DYNC2I1: variants seen among roughly 807,000 people sequenced by gnomAD.
The protein encoded by DYNC2I1 is cytoplasmic dynein 2 intermediate chain 1.
Under a neutral mutation model 133.4 loss-of-function variants are expected in DYNC2I1, and 89 were observed. That is an observed-to-expected ratio of 0.67 (90% CI 0.56 to 0.80). The LOEUF (loss-of-function observed/expected upper bound fraction) is 0.80, where lower values mean the gene tolerates loss of function less well. Among genes scored for constraint, DYNC2I1 ranks in the 30% least tolerant of loss-of-function variants. The probability of loss-of-function intolerance (pLI) is 0.00; values close to 1 mark genes in which losing one functional copy is unlikely to be tolerated. For missense variants in DYNC2I1, 1,291 were observed against 1,314.5 expected, an observed-to-expected ratio of 0.98 and a Z score of 0.28; for synonymous variants, 504 against 484.3, an observed-to-expected ratio of 1.04 and a Z score of -0.54.
rs994430572 is a variant in DYNC2I1 at position 158,941,849 on chromosome 7, G to C, written c.2779-76G>C. 22 of 1,501,810 alleles carry C rather than the reference G, an allele frequency of 1.5e-5. No individual in the cohort carries two copies. The African/African-American group carries it at 2.6e-4, about 18-fold the overall frequency. The allele number at this position is 1,501,810 out of a possible 1,614,324, so 93.0% of individuals were successfully genotyped here. On this transcript the variant is annotated intron_variant, in intron 23 of 24. Transcript: ENST00000407559. Reference sequence around the variant, plus strand: ...CTGTGATTGCACCACTGCACTCCAGGCTGGGTGACAGAGTGAGACCCTGTC... The same window carrying C: ...CTGTGATTGCACCACTGCACTCCAGCCTGGGTGACAGAGTGAGACCCTGTC...
intron 5 of DYNC2I1, among the ~76,000 whole-genome samples, chr7:158,882,253 G>A (rs1029331332): frequency 1.3e-5 from 2 of 152,044 alleles, no homozygotes; most frequent in African/African-American, 4.8e-5. Context: ...ATGTTGTGTT[G>A]GAGAAGCCAT....
chr7:158,884,477 G>T, intron 5 of DYNC2I1, 87 bp from the exon 6 acceptor site: 2 of 1,271,908 alleles, frequency 1.6e-6, no homozygotes, highest in Non-Finnish European at 2.2e-6. Flanking sequence ...TTTTGAATCT[G>T]TGCTTGTTTT....
In DYNC2I1 at chr7:158,922,539, G is replaced by C. The variant is rs1001688991; in HGVS notation, c.2084G>C (p.Cys695Ser). The C allele has an allele frequency of 6.2e-7, 1 of 1,613,568 alleles. No homozygotes were observed. Among genetic ancestry groups the C allele is most frequent in the African/African-American group, 1.3e-5 (1 of 74,896 alleles). The change falls in exon 16 of 25, where the codon TGT becomes TCT. Residue 695 changes from cysteine to serine, a missense_variant. Cys to Ser is a moderately radical substitution (Grantham distance 112). Transcript: ENST00000407559. The part of the protein sequence containing the change: ...QPSGPQKVLI[C>S]ESQVTCCCLS... ...TCAGGGCCACAGAAAGTTCTGATATGTGAGTCCCAGGTACAGCTCAGGATG... is the reference window on the plus strand; with the variant it reads ...TCAGGGCCACAGAAAGTTCTGATATCTGAGTCCCAGGTACAGCTCAGGATG...
rs369384493 is a variant in DYNC2I1 at position 158,881,885 on chromosome 7, T to G, written c.879+1896T>G. ...CAAAGAACACTCTTGTACCCATAAC[T>G]TAGACTCCGCTACTTGCCTTTTATT... On this transcript the variant is annotated intron_variant, in intron 5 of 24. Coordinates refer to ENST00000407559, the MANE Select transcript of DYNC2I1 (RefSeq NM_018051.5). 6.6e-5 allele frequency among the ~76,000 whole-genome samples: 10 copies of G among 152,332 alleles called. No homozygotes were observed. In the South Asian group the frequency reaches 1.0e-3, roughly 16 times the overall value.
rs370684015 is a variant in DYNC2I1 at position 158,871,286 on chromosome 7, G to A, written c.214G>A (p.Glu72Lys). The A allele has an allele frequency of 5.2e-5, 82 of 1,589,350 alleles. No individual in the cohort carries two copies. In the African/African-American group the frequency reaches 6.3e-4, roughly 12 times the overall value. The change falls in exon 3 of 25, where the codon GAA becomes AAA. Residue 72 changes from glutamate (E) to lysine (K), a missense_variant. Transcript: ENST00000407559. The stretch of plus-strand genomic sequence containing the variant: ...TGCCAGGAGCAGAGACAGGGTGGCC[G>A]AAGTCCACACCGCTAAGGAGAGTCC... Reference protein sequence around the residue: ...QDARSRDRVAEVHTAKESPRG... With the variant: ...QDARSRDRVAKVHTAKESPRG...
intron 11 of DYNC2I1, among the ~76,000 whole-genome samples, chr7:158,910,246 G>T (rs973498337): frequency 6.6e-6 from 1 of 152,296 alleles, no homozygotes; most frequent in Non-Finnish European, 1.5e-5. Flanking sequence ...GAAGCCACGT[G>T]GGTGCGGCGT....
chr7:158,933,251 T>C (rs1022356068), intron 21 of DYNC2I1, among the ~76,000 whole-genome samples: 1 of 152,138 alleles, frequency 6.6e-6, no homozygotes, highest in Non-Finnish European at 1.5e-5. Flanking sequence ...AAACTAAGTA[T>C]AGTTTTTAAA....
chr7:158,877,427 G>A (rs534556360), intron 4 of DYNC2I1, among the ~76,000 whole-genome samples: 60 of 152,246 alleles, frequency 3.9e-4, no homozygotes, highest in African/African-American at 1.4e-3. Context: ...TTTTTGGTTC[G>A]TTCATAATTA....
At chr7:158,841,194 TA>T in the DYNC2I1 span, among the ~76,000 whole-genome samples, 33 of 92,096 alleles carry the variant, frequency 3.6e-4, 2 homozygotes, top group East Asian at 1.1e-3. Context: ...TATATATATA[TA>T]TATATATATA....
intron 7 of DYNC2I1, among the ~76,000 whole-genome samples, chr7:158,889,154 C>T (rs1445155227): frequency 1.3e-5 from 2 of 149,340 alleles, no homozygotes; most frequent in African/African-American, 4.9e-5. Flanking sequence ...GATCTTGGCT[C>T]ACTGCAAGCT....
chr7:158,917,899 C>G (rs547080419), intron 14 of DYNC2I1, among the ~76,000 whole-genome samples: 1 of 152,294 alleles, frequency 6.6e-6, no homozygotes, highest in South Asian at 2.1e-4. Context: ...CGAATCCTAT[C>G]AATTCTCACT....
At chr7:158,923,520 C>G (rs1269882379) in intron 16 of DYNC2I1, 51 bp from the exon 17 acceptor site, 1 of 1,613,136 alleles carries the variant, frequency 6.2e-7, no homozygotes, top group Non-Finnish European at 8.5e-7. Context: ...CTTGTGTTAG[C>G]ATGCTTCTCA....
intron 1 of DYNC2I1, chr7:158,869,354 A>G (rs1452049441): frequency 4.6e-6 from 2 of 430,130 alleles, no homozygotes; most frequent in Non-Finnish European, 9.7e-6. Context: ...CTCACAGGGA[A>G]GTATCTGGAG....
chr7:158,890,512 A>G (rs1200809959), intron 7 of DYNC2I1, among the ~76,000 whole-genome samples: 1 of 152,168 alleles, frequency 6.6e-6, no homozygotes, highest in Non-Finnish European at 1.5e-5. Flanking sequence ...TTCTGGACAC[A>G]TGGGAAGTTC....
At chr7:158,910,255 G>A (rs541534197) in intron 11 of DYNC2I1, among the ~76,000 whole-genome samples, 10 of 152,372 alleles carry the variant, frequency 6.6e-5, no homozygotes, top group Non-Finnish European at 1.0e-4. Flanking sequence ...TGGGTGCGGC[G>A]TTTCGGGGCC....
intron 13 of DYNC2I1, among the ~76,000 whole-genome samples, chr7:158,914,026 T>C (rs1338505813): frequency 6.6e-6 from 1 of 152,234 alleles, no homozygotes; most frequent in Non-Finnish European, 1.5e-5. Context: ...TTTTTCTAAA[T>C]GCATTTACAG....
intron 17 of DYNC2I1, among the ~76,000 whole-genome samples, chr7:158,924,250 CT>C (rs1296612733): frequency 2.0e-5 from 3 of 152,240 alleles, no homozygotes; most frequent in Non-Finnish European, 4.4e-5. Flanking sequence ...TTTAATTCCC[CT>C]GATAGCCCTG....
intron 23 of DYNC2I1, among the ~76,000 whole-genome samples, chr7:158,934,999 C>T (rs759400538): frequency 9.2e-5 from 14 of 152,092 alleles, no homozygotes; most frequent in Non-Finnish European, 1.5e-4. Context: ...ATTAAACTCT[C>T]GAGTAATACT....
chr7:158,938,099 A>G (rs1191957594), intron 23 of DYNC2I1, among the ~76,000 whole-genome samples: 3 of 152,230 alleles, frequency 2.0e-5, no homozygotes, highest in Non-Finnish European at 2.9e-5. Context: ...AAGGAGATCA[A>G]TATCCAGGTA....
Sources: allele counts gnomAD v4.1 joint callset (sites outside exome capture counted in the v4.1 genomes callset), GRCh38; gene constraint gnomAD v4.1.1; transcripts MANE v1.5; gene names NCBI Gene and HGNC (gene_info 2026-07-23, HGNC 2026-07-21).